Variants in BAZ2A observed in about 807,000 individuals in gnomAD.
BAZ2A encodes the protein bromodomain adjacent to zinc finger domain 2A, also known as bromodomain adjacent to zinc finger domain protein 2A.
BAZ2A carries 34 observed loss-of-function variants against 199.9 expected under a neutral mutation model. That is an observed-to-expected ratio of 0.17 (90% confidence interval 0.13 to 0.23). BAZ2A has a LOEUF of 0.23. Ranked by LOEUF, BAZ2A falls within the 10% of genes least tolerant of loss-of-function variation. The pLI is 1.00. For synonymous variants in BAZ2A, 857 were observed against 883.9 expected (o/e 0.97, Z 0.54); for missense variants, 2,002 against 2,391.1 (o/e 0.84, Z 3.39).
rs531428493 is a variant in BAZ2A, at chr12:56,618,567, G to A, written c.-2-1035C>T. 4.6e-5 allele frequency among the ~76,000 whole-genome samples: 7 copies of A among 152,264 alleles called. No individual in the cohort carries two copies. The South Asian group carries it at 1.4e-3, about 32-fold the overall frequency. ...ACTTGATATGTGAGAAACATAATCT[G>A]TCTTGATACAGAAAAAGCAACTCCT... On this transcript the variant is annotated intron_variant, in intron 1 of 28. Transcript: ENST00000549884.
rs1297310256 is a variant in BAZ2A at position 56,630,317 on chromosome 12, G to T, written c.-195C>A. 3.1e-6 allele frequency: 3 copies of T among 982,480 alleles called. No individual in the cohort carries two copies. Among genetic ancestry groups the T allele is most frequent in the African/African-American group, 1.7e-5 (1 of 57,152 alleles). The allele number at this position is 982,480 out of a possible 1,614,324, so 60.9% of individuals were successfully genotyped here. On this transcript the variant is annotated 5_prime_UTR_variant, in exon 1 of 29. Transcript: ENST00000549884. ...CCGAGAGGAGCCAACATGGCCGGCG[G>T]GGGAGGAGTGAGTCGGAGCCGGAGG...
exon 1 of BAZ2A, chr12:56,636,203 C>T: frequency 6.3e-7 from 1 of 1,592,348 alleles, no homozygotes; most frequent in Non-Finnish European, 8.6e-7. Flanking sequence ...TGGCACAGCT[C>T]CAGGCTGGGA....
chr12:56,614,188 G>C, intron 3 of BAZ2A, 50 bp from the exon 4 acceptor site: 1 of 1,561,578 alleles, frequency 6.4e-7, no homozygotes, highest in Non-Finnish European at 8.8e-7. Flanking sequence ...CCTTATATTG[G>C]TTCACTTAGC....
upstream of BAZ2A, chr12:56,638,299 GAC>G: frequency 1.3e-6 from 2 of 1,597,132 alleles, no homozygotes; most frequent in Non-Finnish European, 1.7e-6. Flanking sequence ...CAAGGAGAGA[GAC>G]AGTACAGAGG....
At chr12:56,619,852 T>G (rs558546648) in intron 1 of BAZ2A, among the ~76,000 whole-genome samples, 10 of 152,002 alleles carry the variant, frequency 6.6e-5, no homozygotes, top group African/African-American at 1.9e-4. Context: ...CCACAAAAAA[T>G]AAAAAAGTTA....
chr12:56,614,292 C>A lies in BAZ2A; in HGVS notation c.731-154G>T. On this transcript the variant is annotated intron_variant, in intron 3 of 28. Coordinates refer to ENST00000549884, the MANE Select transcript of BAZ2A (RefSeq NM_001300905.2). Reference sequence around the variant, plus strand: ...GCTGGGAACCGATCACATCAAGATACTCTGAGCAGAGATGTGCTGGTAAAA... The same window carrying A: ...GCTGGGAACCGATCACATCAAGATAATCTGAGCAGAGATGTGCTGGTAAAA... 4 of 728,350 alleles carry A rather than the reference C, an allele frequency of 5.5e-6. No individual in the cohort carries two copies. In the South Asian group the frequency reaches 7.9e-5, roughly 14 times the overall value. 45.1% of individuals were successfully genotyped at this position (728,350 alleles called of 1,614,324 possible).
Position 56,595,885 on chromosome 12 carries a change from C to A in BAZ2A, c.*2733G>T, listed in dbSNP as rs1885744655. 1 of 122,208 alleles carries A rather than the reference C, an allele frequency of 8.2e-6. No individual in the cohort carries two copies. Among genetic ancestry groups the A allele is most frequent in the Non-Finnish European group, 1.8e-5 (1 of 56,556 alleles). 7.6% of individuals were successfully genotyped at this position (122,208 alleles called of 1,614,324 possible). ...CATACCTATCCCAACGCCGTCTCCC[C>A]CTCAGGTGTGTAGAAGGGAAGATGA... is the stretch of plus-strand genomic sequence containing the variant. On this transcript the variant is annotated 3_prime_UTR_variant, in exon 29 of 29. Transcript: ENST00000549884.
At chr12:56,636,264 G>A (rs1268661639) in exon 1 of BAZ2A, 3 of 1,554,754 alleles carry the variant, frequency 1.9e-6, no homozygotes, top group Non-Finnish European at 2.6e-6. Flanking sequence ...AAAGGTTGGT[G>A]TTGGATCCTC....
rs766188018 is a variant in BAZ2A at position 56,606,315 on chromosome 12, G to A, written c.2194-3C>T. 1.9e-6 allele frequency: 3 copies of A among 1,613,968 alleles called. No homozygotes were observed. The highest frequency in any genetic ancestry group is 2.2e-5 in the South Asian group (2 of 91,084). On this transcript the variant is annotated splice_polypyrimidine_tract_variant and splice_region_variant and intron_variant, in intron 11 of 28. Transcript: ENST00000549884. ...TCTTGTTTCCGCTTATTTCTGGCCTGTAAACCATAAGGGAAGTCATTTCTC... is the reference window on the plus strand; with the variant it reads ...TCTTGTTTCCGCTTATTTCTGGCCTATAAACCATAAGGGAAGTCATTTCTC...
Position 56,598,561 on chromosome 12 carries a change from GT to G in BAZ2A, c.*56del. Reference sequence around the variant, plus strand: ...CAGCATCAGCAGGTGAAAATGGCAGGTTTTTGTTTGGAAGGTGGGGGGAGAT... The same window carrying G: ...CAGCATCAGCAGGTGAAAATGGCAGGTTTTGTTTGGAAGGTGGGGGGAGAT... On this transcript the variant is annotated 3_prime_UTR_variant, in exon 29 of 29. Coordinates refer to ENST00000549884, the MANE Select transcript of BAZ2A (RefSeq NM_001300905.2). 6.3e-7 allele frequency: 1 copy of G among 1,575,624 alleles called. No homozygotes were observed.
chr12:56,613,324 T>A (rs1352048183), intron 4 of BAZ2A, 91 bp from the exon 5 acceptor site: 3 of 1,268,222 alleles, frequency 2.4e-6, no homozygotes, highest in Non-Finnish European at 3.4e-6. Flanking sequence ...AACATCCAAT[T>A]CTAGTTCCCA....
At chr12:56,605,756 G>T in intron 13 of BAZ2A, 74 bp downstream of exon 13, 1 of 1,373,860 alleles carries the variant, frequency 7.3e-7, no homozygotes, top group Non-Finnish European at 9.9e-7. Flanking sequence ...CTCTCCCATT[G>T]CAGAAGTCCT....
chr12:56,603,348 A>G lies in BAZ2A; in HGVS notation c.3279+11T>C, dbSNP rs779650593. 4 of 1,613,570 alleles carry G rather than the reference A, an allele frequency of 2.5e-6. No homozygotes were observed. The African/African-American group carries it at 5.3e-5, about 22-fold the overall frequency. Reference sequence around the variant, plus strand: ...ATATCTCCAACTCTTGGGAGGTTAGAAGCACAATACCTTGCTGAGTTTTTC... The same window carrying G: ...ATATCTCCAACTCTTGGGAGGTTAGGAGCACAATACCTTGCTGAGTTTTTC... On this transcript the variant is annotated intron_variant, in intron 18 of 28. Coordinates refer to ENST00000549884, the MANE Select transcript of BAZ2A (RefSeq NM_001300905.2).
At chr12:56,628,250 T>A (rs1033504094) in intron 1 of BAZ2A, among the ~76,000 whole-genome samples, 12 of 148,920 alleles carry the variant, frequency 8.1e-5, no homozygotes, top group Non-Finnish European at 1.2e-4. Context: ...AAAATAAAAT[T>A]CTGTGGCCAA....
chr12:56,627,503 T>C (rs895082031), intron 1 of BAZ2A, among the ~76,000 whole-genome samples: 1 of 149,482 alleles, frequency 6.7e-6, no homozygotes, highest in African/African-American at 2.5e-5. Context: ...AACAAAACTT[T>C]ATCTTTCAAA....
chr12:56,614,388 A>G (rs1466858507), intron 3 of BAZ2A: 5 of 424,186 alleles, frequency 1.2e-5, no homozygotes, highest in East Asian at 3.7e-5. Flanking sequence ...ATGTTCTCAG[A>G]TATCTCCTCC....
rs565174757 is a variant in BAZ2A, at chr12:56,636,089, A to G, written c.4+93T>C. On this transcript the variant is annotated intron_variant, in intron 1 of 29. Coordinates refer to the BAZ2A transcript ENST00000379441. ...CCTGTTTCCTCTCCTTCAGCCCCCA[A>G]ATGAGCAAAGGTTAGGCCCCACCCC... 9.1e-6 allele frequency: 13 copies of G among 1,421,886 alleles called. No individual in the cohort carries two copies. In the Admixed American group the frequency reaches 1.3e-4, roughly 14 times the overall value. The allele number at this position is 1,421,886 out of a possible 1,614,324, so 88.1% of individuals were successfully genotyped here.
intron 1 of BAZ2A, among the ~76,000 whole-genome samples, 170 bp from the exon 2 acceptor site, chr12:56,617,702 C>A (rs779051819): frequency 6.6e-6 from 1 of 152,148 alleles, no homozygotes; most frequent in Non-Finnish European, 1.5e-5. Flanking sequence ...GAAAATATGC[C>A]TCTAGCCTGA....
intron 26 of BAZ2A, 139 bp downstream of exon 26, chr12:56,599,563 T>C (rs1210607991): frequency 7.4e-7 from 1 of 1,342,354 alleles, no homozygotes; most frequent in Non-Finnish European, 1.0e-6. Flanking sequence ...AGCTATAGAA[T>C]TTAAGTGACT....
Sources: allele counts gnomAD v4.1 joint callset (sites outside exome capture counted in the v4.1 genomes callset), GRCh38; gene constraint gnomAD v4.1.1; transcripts MANE v1.5; gene names NCBI Gene and HGNC (gene_info 2026-07-23, HGNC 2026-07-21).